The following STKLD1 variants were observed in gnomAD, a reference collection of about 807,000 sequenced individuals.
STKLD1 encodes serine/threonine kinase like domain containing 1.
A neutral mutation model predicts 80.4 loss-of-function variants in STKLD1; 79 were observed. The observed-to-expected ratio is 0.98, with a 90% CI of 0.82 to 1.19. STKLD1 has a LOEUF of 1.19. Ranked by LOEUF, STKLD1 falls within the 50% of genes most tolerant of loss-of-function variation. STKLD1 has a pLI of 0.00. For synonymous variants in STKLD1, 393 were observed against 357.6 expected (o/e 1.10, Z -1.12); for missense variants, 841 against 856.0 (o/e 0.98, Z 0.22).
chr9:133,394,502 C>T lies in STKLD1; in HGVS notation c.702+93C>T. The T allele has an allele frequency of 1.1e-6, 1 of 899,790 alleles. No homozygotes were observed. The highest frequency in any genetic ancestry group is 3.1e-4 in the Middle Eastern group (1 of 3,240). 55.7% of individuals were successfully genotyped at this position (899,790 alleles called of 1,614,324 possible). ...TTGGCCTCACCCTGCCTCCCCTCTG[C>T]ATCCCTTCCCCTGGCTCTCTGCAGG... On this transcript the variant is annotated intron_variant, in intron 8 of 17. Coordinates refer to ENST00000371957, the MANE Select transcript of STKLD1 (RefSeq NM_153710.5). The surrounding 1 kb of genome is among the most constrained non-coding windows in gnomAD (Gnocchi z 4.9).
chr9:133,403,208 G>A (rs1838755274), intron 14 of STKLD1, among the ~76,000 whole-genome samples, 196 bp downstream of exon 14: 1 of 152,268 alleles, frequency 6.6e-6, no homozygotes, highest in Admixed American at 6.5e-5. Context: ...AAAGGCAGGG[G>A]AGAAAGGCCT....
chr9:133,403,215 G>GC (rs902878285), intron 14 of STKLD1, among the ~76,000 whole-genome samples: 1 of 152,248 alleles, frequency 6.6e-6, no homozygotes, highest in Admixed American at 6.5e-5. Context: ...GGGGAGAAAG[G>GC]CCTTCTGGCA....
In STKLD1 at chr9:133,402,853, G is replaced by A. The variant is rs587757305; in HGVS notation, c.1340-25G>A. On this transcript the variant is annotated intron_variant, in intron 13 of 17. Coordinates refer to ENST00000371957, the MANE Select transcript of STKLD1 (RefSeq NM_153710.5). ...GGCTTCCTGGAGGGAGGGGCCCTGG[G>A]GCCCTCATTCTGGCTCACCCACAGA... The A allele has an allele frequency of 1.1e-5, 17 of 1,592,492 alleles. No homozygotes were observed. In the South Asian group the frequency reaches 1.6e-4, roughly 15 times the overall value.
Position 133,376,466 on chromosome 9 carries a change from T to A in STKLD1, c.-8T>A, listed in dbSNP as rs1394215968. 4 of 1,580,842 alleles carry A rather than the reference T, an allele frequency of 2.5e-6. No homozygotes were observed. The highest frequency in any genetic ancestry group is 3.7e-5 in the Admixed American group (2 of 54,302). ...TGGACGCTCGCCCGTACGCGGTCGC[T>A]ACTGATCATGCTTGGGCCAGGGTCC... is the stretch of plus-strand genomic sequence containing the variant. On this transcript the variant is annotated 5_prime_UTR_variant, in exon 1 of 18. Coordinates refer to ENST00000371957, the MANE Select transcript of STKLD1 (RefSeq NM_153710.5).
chr9:133,384,039 C>A lies in STKLD1; in HGVS notation c.219+139C>A. 1 of 797,042 alleles carries A rather than the reference C, an allele frequency of 1.3e-6. No homozygotes were observed. The highest frequency in any genetic ancestry group is 2.1e-6 in the Non-Finnish European group (1 of 476,914). The allele number at this position is 797,042 out of a possible 1,614,324, so 49.4% of individuals were successfully genotyped here. On this transcript the variant is annotated intron_variant, in intron 3 of 17. Coordinates refer to ENST00000371957, the MANE Select transcript of STKLD1 (RefSeq NM_153710.5). The surrounding 1 kb of genome is among the most constrained non-coding windows in gnomAD (Gnocchi z 4.3). ...AGCATCAGCACCAGTTTTGCCTCAGCTGTGAAGCCAGCAGCCCCAGGTCAT... is the reference window on the plus strand; with the variant it reads ...AGCATCAGCACCAGTTTTGCCTCAGATGTGAAGCCAGCAGCCCCAGGTCAT...
At chr9:133,380,907 G>A (rs1203838573) in intron 2 of STKLD1, among the ~76,000 whole-genome samples, 4 of 152,038 alleles carry the variant, frequency 2.6e-5, no homozygotes, top group East Asian at 1.9e-4. Flanking sequence ...GTGGCCTCCC[G>A]TCTTGCTTGA....
chr9:133,391,894 G>A (rs1838406186), intron 7 of STKLD1, among the ~76,000 whole-genome samples: 1 of 151,722 alleles, frequency 6.6e-6, no homozygotes, highest in Admixed American at 6.6e-5. Flanking sequence ...GTGGGTGCCA[G>A]GCACTGGCTG....
In STKLD1 at chr9:133,376,524, C is replaced by G. The variant is rs2130248877; in HGVS notation, c.51C>G (p.Gly17=). The change falls in exon 1 of 18, where the codon GGC becomes GGG. Residue 17 remains glycine, a synonymous_variant. Coordinates refer to ENST00000371957, the MANE Select transcript of STKLD1 (RefSeq NM_153710.5). The part of the protein sequence containing the change: ...NRRRPTQGER[G]PGSPGEPMEK... ...GGCGCCCCACGCAGGGGGAGCGAGG[C>G]CCAGGGTCCCCCGGAGAGCCCATGG... The G allele has an allele frequency of 1.2e-6, 2 of 1,601,212 alleles. No individual in the cohort carries two copies. The highest frequency in any genetic ancestry group is 2.2e-5 in the South Asian group (2 of 89,010).
Position 133,398,065 on chromosome 9 carries a change from A to C in STKLD1, c.1081+10A>C. The stretch of plus-strand genomic sequence containing the variant: ...CCTGCAGATCAGCTAGGTAGGCCCC[A>C]CCCTGCACCCCTTTCCCAGCTGCTC... On this transcript the variant is annotated intron_variant, in intron 11 of 17. Transcript: ENST00000371957. 2 of 1,611,890 alleles carry C rather than the reference A, an allele frequency of 1.2e-6. No individual in the cohort carries two copies. Among genetic ancestry groups the C allele is most frequent in the Non-Finnish European group, 1.7e-6 (2 of 1,178,760 alleles).
rs782074801 is a variant in STKLD1, at chr9:133,401,793, C to T, written c.1254C>T (p.Thr418=). 6.2e-7 allele frequency: 1 copy of T among 1,613,686 alleles called. No homozygotes were observed. The highest frequency in any genetic ancestry group is 8.5e-7 in the Non-Finnish European group (1 of 1,180,020). The part of the protein sequence containing the change: ...KAPCNQAITS[T]LLSALQSHPE... The stretch of plus-strand genomic sequence containing the variant: ...CCTGCAACCAAGCCATCACCTCCAC[C>T]CTGCTGAGTGCTCTTCAGAGCCACC... Residue 418 remains threonine, a synonymous_variant, in exon 13 of 18, where the codon ACC becomes ACT. Coordinates refer to ENST00000371957, the MANE Select transcript of STKLD1 (RefSeq NM_153710.5).
rs2130287613 is a variant in STKLD1, at chr9:133,390,831, G to T, written c.583+35G>T. The T allele has an allele frequency of 1.3e-6, 2 of 1,563,180 alleles. No individual in the cohort carries two copies. Among genetic ancestry groups the T allele is most frequent in the Non-Finnish European group, 1.8e-6 (2 of 1,134,790 alleles). ...GCTCCCCCAGGTTGTGGGAGAGGGG[G>T]TTGGCGCCTAGAATCCAGGCGGCGT... On this transcript the variant is annotated intron_variant, in intron 7 of 17. Transcript: ENST00000371957. The surrounding 1 kb of genome is among the most constrained non-coding windows in gnomAD (Gnocchi z 5.1).
intron 5 of STKLD1, chr9:133,387,749 C>T (rs2130280668): frequency 3.0e-6 from 2 of 676,406 alleles, no homozygotes; most frequent in East Asian, 2.8e-5. Context: ...CACACAACTT[C>T]CACCCAGATC....
At position 133,385,331 on chromosome 9, in the gene STKLD1, T is replaced by C. The variant is rs1838239368; in HGVS notation, c.220-286T>C. ...CCTTCCTGGCACTGCCTGCCACAGC[T>C]CACTCACCCCCCATGGTATCCCTGT... is the stretch of plus-strand genomic sequence containing the variant. On this transcript the variant is annotated intron_variant, in intron 3 of 17. Transcript: ENST00000371957. This position sits in a 1 kb window ranked among gnomAD's most constrained non-coding sequence, Gnocchi z 4.9. Among the ~76,000 whole-genome samples the C allele has an allele frequency of 6.6e-6, 1 of 152,074 alleles. No homozygotes were observed. Among genetic ancestry groups the C allele is most frequent in the African/African-American group, 2.4e-5 (1 of 41,410 alleles).
At chr9:133,396,763 AAAC>A (rs1441558428) in intron 9 of STKLD1, among the ~76,000 whole-genome samples, 1 of 152,192 alleles carries the variant, frequency 6.6e-6, no homozygotes. Context: ...ATCTAAAAAA[AAAC>A]CCAAACAAAA....
intron 13 of STKLD1, 52 bp downstream of exon 13, chr9:133,401,930 C>T (rs1056767232): frequency 1.2e-6 from 2 of 1,600,948 alleles, no homozygotes; most frequent in Non-Finnish European, 1.7e-6. Context: ...ACAGCCCTTC[C>T]CAGGGGTCTT....
intron 10 of STKLD1, 101 bp from the exon 11 acceptor site, chr9:133,397,871 G>T: frequency 2.3e-6 from 2 of 862,342 alleles, no homozygotes; most frequent in Non-Finnish European, 3.7e-6. Context: ...ATCTGAGGAG[G>T]GGATGCACAC....
intron 2 of STKLD1, among the ~76,000 whole-genome samples, chr9:133,380,471 T>C (rs1383956962): frequency 6.6e-6 from 1 of 152,054 alleles, no homozygotes; most frequent in African/African-American, 2.4e-5. Flanking sequence ...CTGGCCAACA[T>C]GGTGAAACCC....
chr9:133,386,060 A>C (rs2130276503), intron 4 of STKLD1, among the ~76,000 whole-genome samples: 5 of 152,086 alleles, frequency 3.3e-5, no homozygotes, highest in Non-Finnish European at 7.3e-5. Flanking sequence ...CCAGGATTAC[A>C]GGCGCGTGCC....
intron 1 of STKLD1, 127 bp from the exon 2 acceptor site, chr9:133,378,909 G>A (rs900217274): frequency 4.1e-6 from 3 of 735,676 alleles, no homozygotes; most frequent in East Asian, 5.4e-5. Flanking sequence ...GCAAGATGGG[G>A]TGGAGCCACT....
Sources: allele counts gnomAD v4.1 joint callset (sites outside exome capture counted in the v4.1 genomes callset), GRCh38; gene constraint gnomAD v4.1.1; non-coding constraint Gnocchi (gnomAD v3.1); transcripts MANE v1.5; gene names NCBI Gene and HGNC (gene_info 2026-07-23, HGNC 2026-07-21).